The following CIROZ variants were observed in gnomAD, a reference collection of about 807,000 sequenced individuals.
CIROZ encodes the protein ciliated left-right organizer ZP-N domains-containing protein.
At chr1:10,962,303 C>T in the CIROZ span, among the ~76,000 whole-genome samples, 1 of 151,870 alleles carries the variant, frequency 6.6e-6, no homozygotes, top group African/African-American at 2.4e-5. Context: ...AAAAATTAGC[C>T]GAGTATGGTA....
the CIROZ span, chr1:10,954,987 C>A: frequency 6.2e-7 from 1 of 1,600,314 alleles, no homozygotes; most frequent in South Asian, 1.1e-5. Context: ...ACCGGATACT[C>A]ACCTGGACCT....
chr1:10,958,659 T>C, the CIROZ span: 1 of 1,600,334 alleles, frequency 6.2e-7, no homozygotes, highest in Non-Finnish European at 8.6e-7. Context: ...CACCCACCAG[T>C]CCTAGCAGAA....
At chr1:10,956,477 CTT>C in the CIROZ span, among the ~76,000 whole-genome samples, 21 of 139,602 alleles carry the variant, frequency 1.5e-4, no homozygotes, top group East Asian at 2.1e-4. Context: ...GATGATTTTA[CTT>C]TTTTTTTTTT....
At chr1:10,966,553 T>G in the CIROZ span, 757 of 1,437,860 alleles carry the variant, frequency 5.3e-4, 8 homozygotes, top group South Asian at 9.7e-3. Context: ...GTCAGAAATA[T>G]CAGACTCGCA....
chr1:10,950,155 T>C, the CIROZ span, among the ~76,000 whole-genome samples: 1 of 147,954 alleles, frequency 6.8e-6, no homozygotes, highest in Non-Finnish European at 1.5e-5. Flanking sequence ...TGCCTCAGCC[T>C]CCCAAGTAGC....
chr1:10,976,711 A>C, the CIROZ span, among the ~76,000 whole-genome samples: 5 of 152,010 alleles, frequency 3.3e-5, no homozygotes, highest in African/African-American at 1.2e-4. Context: ...AAAAAAAAAA[A>C]AAAACCCATA....
chr1:10,979,894 G>A, the CIROZ span, among the ~76,000 whole-genome samples: 1 of 151,976 alleles, frequency 6.6e-6, no homozygotes, highest in Non-Finnish European at 1.5e-5. Context: ...CTAAAAATAC[G>A]AAATTAGCCA....
chr1:10,949,622 G>C, the CIROZ span: 1 of 1,599,398 alleles, frequency 6.3e-7, no homozygotes, highest in South Asian at 1.1e-5. Flanking sequence ...CCATAGACGT[G>C]CTTTGGCCAG....
At chr1:10,960,111 GGTGCA>G in the CIROZ span, among the ~76,000 whole-genome samples, 2 of 152,226 alleles carry the variant, frequency 1.3e-5, no homozygotes, top group Admixed American at 1.3e-4. The surrounding 1 kb of genome is among the most constrained non-coding windows in gnomAD (Gnocchi z 4.6). Flanking sequence ...GGGAAGGCCA[GGTGCA>G]GTGGCTCATG....
At chr1:10,976,326 T>G in the CIROZ span, 1 of 905,312 alleles carries the variant, frequency 1.1e-6, no homozygotes, top group South Asian at 1.5e-5. Flanking sequence ...CTTCATTCAC[T>G]CATTATATTT....
At chr1:10,979,681 C>T in the CIROZ span, among the ~76,000 whole-genome samples, 3 of 152,200 alleles carry the variant, frequency 2.0e-5, no homozygotes, top group African/African-American at 4.8e-5. Context: ...ACCACCCCAG[C>T]GCCCAGCAGT....
the CIROZ span, among the ~76,000 whole-genome samples, chr1:10,971,251 C>A: frequency 0.017 from 2,565 of 150,564 alleles, 81 homozygotes; most frequent in African/African-American, 0.06. Flanking sequence ...TGTGCCCAGA[C>A]CAGAGGGGAG....
chr1:10,956,776 C>T, the CIROZ span, among the ~76,000 whole-genome samples: 2 of 152,106 alleles, frequency 1.3e-5, no homozygotes, highest in Admixed American at 6.6e-5. Context: ...CGCGCCCGGC[C>T]GATGATTTTA....
At chr1:10,973,562 C>T in the CIROZ span, among the ~76,000 whole-genome samples, 2 of 152,252 alleles carry the variant, frequency 1.3e-5, no homozygotes, top group African/African-American at 2.4e-5. Context: ...GTCTGTACAA[C>T]CCCACGAGGA....
chr1:10,969,910 AGG>A, the CIROZ span: 1 of 1,464,536 alleles, frequency 6.8e-7, no homozygotes, highest in Admixed American at 2.6e-5. Flanking sequence ...CATTGCAGGC[AGG>A]GGAAGGCAAC....
At chr1:10,948,738 G>A in the CIROZ span, 4 of 1,548,334 alleles carry the variant, frequency 2.6e-6, no homozygotes, top group Admixed American at 3.9e-5. Context: ...TTCCCCTGGG[G>A]GAGGCTGGGG....
chr1:10,975,409 A>G, the CIROZ span, among the ~76,000 whole-genome samples: 1 of 69,882 alleles, frequency 1.4e-5, no homozygotes, highest in Admixed American at 1.2e-4. Flanking sequence ...CTGTCTCAGA[A>G]AAAAAAAAAA....
chr1:10,947,743 AG>A, the CIROZ span: 95 of 1,584,406 alleles, frequency 6.0e-5, no homozygotes, highest in Middle Eastern at 1.0e-3. Flanking sequence ...CTGAGGGCCA[AG>A]GTGGGCTCTG....
At chr1:10,955,314 A>G in the CIROZ span, 1 of 771,830 alleles carries the variant, frequency 1.3e-6, no homozygotes, top group Non-Finnish European at 2.0e-6. Flanking sequence ...CCAGTCAGTG[A>G]CAGCAAGTTA....
Sources: allele counts gnomAD v4.1 joint callset (sites outside exome capture counted in the v4.1 genomes callset), GRCh38; gene constraint gnomAD v4.1.1; non-coding constraint Gnocchi (gnomAD v3.1); transcripts MANE v1.5; gene names NCBI Gene and HGNC (gene_info 2026-07-23, HGNC 2026-07-21).